ZNF714: variants seen among roughly 807,000 people sequenced by gnomAD.
The protein encoded by ZNF714 is zinc finger protein 714.
A neutral mutation model predicts 46.2 loss-of-function variants in ZNF714; 32 were observed. The ratio of observed to expected loss-of-function variants is 0.69; its 90% CI spans 0.52 to 0.93. The LOEUF (loss-of-function observed/expected upper bound fraction) is 0.93. Among genes scored for constraint, ZNF714 ranks in the 40% least tolerant of loss-of-function variants. The pLI is 0.00. For synonymous variants in ZNF714, 199 were observed against 213.1 expected, an observed-to-expected ratio of 0.93 and a Z score of 0.58; for missense variants, 635 against 646.3, an observed-to-expected ratio of 0.98 and a Z score of 0.19.
rs1969707793 is a variant in ZNF714 at position 21,121,843 on chromosome 19, A to G, written c.*3511A>G. The stretch of plus-strand genomic sequence containing the variant: ...TGCCTGGTACTCATGCTAGACCCAT[A>G]CTTTTTTTGTTTCTTACATTTTTTT... On this transcript the variant is annotated 3_prime_UTR_variant, in exon 5 of 5. Coordinates refer to ENST00000456283, the MANE Select transcript of ZNF714 (RefSeq NM_182515.4). The G allele has an allele frequency of 6.6e-6, 1 of 152,088 alleles. No individual in the cohort carries two copies. Among genetic ancestry groups the G allele is most frequent in the Non-Finnish European group, 1.5e-5 (1 of 67,992 alleles). The allele number at this position is 152,088 out of a possible 1,614,324, so 9.4% of individuals were successfully genotyped here.
At chr19:21,084,136 G>A (rs888679492) in intron 2 of ZNF714, 67 bp downstream of exon 2, 13 of 548,220 alleles carry the variant, frequency 2.4e-5, no homozygotes, top group Non-Finnish European at 3.0e-5. Flanking sequence ...TGTCTAAGGG[G>A]TAGAAATATA....
At chr19:21,097,028 G>T (rs1350736631) in intron 2 of ZNF714, among the ~76,000 whole-genome samples, 1 of 151,816 alleles carries the variant, frequency 6.6e-6, no homozygotes, top group Non-Finnish European at 1.5e-5. Flanking sequence ...CACCACACCC[G>T]GCTAATTTTT....
intron 2 of ZNF714, among the ~76,000 whole-genome samples, chr19:21,087,431 A>G (rs187765866): frequency 2.0e-5 from 3 of 152,280 alleles, no homozygotes; most frequent in Admixed American, 6.5e-5. Flanking sequence ...CACATTTGAC[A>G]TGTTTTCTAT....
intron 2 of ZNF714, among the ~76,000 whole-genome samples, chr19:21,089,696 A>G (rs1214437739): frequency 3.9e-5 from 6 of 152,172 alleles, no homozygotes; most frequent in African/African-American, 1.4e-4. Flanking sequence ...ATTCTATCCT[A>G]AGGAACCCCT....
At chr19:21,104,138 T>A (rs1003153643) in intron 4 of ZNF714, among the ~76,000 whole-genome samples, 4 of 152,214 alleles carry the variant, frequency 2.6e-5, no homozygotes, top group African/African-American at 9.6e-5. Context: ...TGGGCTTATT[T>A]CCCATGACAT....
At chr19:21,110,721 T>C (rs8107638) in intron 4 of ZNF714, among the ~76,000 whole-genome samples, 112,480 of 152,046 alleles carry the variant, frequency 0.74, 43,341 homozygotes, top group Middle Eastern at 0.88. Flanking sequence ...TAGTTTTGGG[T>C]TTCAAATTTA....
intron 4 of ZNF714, among the ~76,000 whole-genome samples, chr19:21,107,175 T>C (rs1407300897): frequency 6.6e-6 from 1 of 152,210 alleles, no homozygotes; most frequent in Admixed American, 6.5e-5. Flanking sequence ...TACCTCTTTG[T>C]TCTTTTTCCT....
In ZNF714 at chr19:21,117,972, A is replaced by T; in HGVS notation, c.1308A>T (p.Arg436=). 6.2e-7 allele frequency: 1 copy of T among 1,611,168 alleles called. No homozygotes were observed. The highest frequency in any genetic ancestry group is 8.5e-7 in the Non-Finnish European group (1 of 1,179,100). Residue 436 remains arginine, a synonymous_variant, in exon 5 of 5, where the codon CGA becomes CGT. Coordinates refer to ENST00000456283, the MANE Select transcript of ZNF714 (RefSeq NM_182515.4). The part of the protein sequence containing the change: ...KCEECGKAFN[R]SSNLTTHKRI... ...AAGAATGTGGCAAAGCTTTTAACCGATCCTCAAACCTTACTACACATAAGA... is the reference window on the plus strand; with the variant it reads ...AAGAATGTGGCAAAGCTTTTAACCGTTCCTCAAACCTTACTACACATAAGA...
chr19:21,085,779 G>T (rs962816928), intron 2 of ZNF714, among the ~76,000 whole-genome samples: 1 of 151,996 alleles, frequency 6.6e-6, no homozygotes, highest in Non-Finnish European at 1.5e-5. Context: ...TGCAGTTAAG[G>T]TTAAGATGAA....
chr19:21,105,026 C>CTTTTTTTTTT (rs34750232), intron 4 of ZNF714, among the ~76,000 whole-genome samples: 2 of 129,762 alleles, frequency 1.5e-5, no homozygotes, highest in Non-Finnish European at 3.1e-5. Context: ...TCATTTCTTT[C>CTTTTTTTTTT]TTTTTTTTTT....
intron 4 of ZNF714, among the ~76,000 whole-genome samples, chr19:21,099,977 TCC>T (rs921139661): frequency 1.3e-4 from 20 of 152,058 alleles, no homozygotes; most frequent in African/African-American, 4.8e-4. Context: ...TGCCTCAGCC[TCC>T]CTAATAGCTG....
intron 4 of ZNF714, among the ~76,000 whole-genome samples, chr19:21,105,592 T>G (rs935056640): frequency 2.0e-5 from 3 of 152,214 alleles, no homozygotes; most frequent in Non-Finnish European, 4.4e-5. Context: ...GTTTTTTTTC[T>G]AAGAGATTCG....
Position 21,118,352 on chromosome 19 carries a change from AGAGGCAGGAGAATCATTTGAACCTGG to A in ZNF714, c.*28_*53del, listed in dbSNP as rs370643299. 0.018 allele frequency: 12,021 copies of A among 664,222 alleles called. 1,050 individuals are homozygous for A. In the African/African-American group the frequency reaches 0.2, roughly 11 times the overall value. The allele number at this position is 664,222 out of a possible 1,614,324, so 41.1% of individuals were successfully genotyped here. A position where few individuals can be genotyped will look rare whatever the true frequency, so the allele number is the denominator to read the frequency against. ...CTGTAATCCCAGCTACTTGGGAGGC[AGAGGCAGGAGAATCATTTGAACCTGG>A]GAGGCAGAGGTTGCAGTGAGCCAAG... is the stretch of plus-strand genomic sequence containing the variant. On this transcript the variant is annotated 3_prime_UTR_variant, in exon 5 of 5. Transcript: ENST00000456283.
intron 1 of ZNF714, among the ~76,000 whole-genome samples, chr19:21,083,039 TAGA>T (rs1375379555): frequency 6.0e-5 from 4 of 66,914 alleles, no homozygotes; most frequent in African/African-American, 3.4e-5. Flanking sequence ...GCACCTCAGT[TAGA>T]TTTTTTTTTT....
intron 2 of ZNF714, among the ~76,000 whole-genome samples, chr19:21,095,821 C>T (rs1160569796): frequency 1.3e-5 from 2 of 152,170 alleles, no homozygotes; most frequent in African/African-American, 4.8e-5. Context: ...GACTTTGTCA[C>T]CCCCACGACC....
In ZNF714 at chr19:21,082,322, G is replaced by A. The variant is rs112345825; in HGVS notation, c.-203G>A. The A allele has an allele frequency of 3.0e-5, 44 of 1,454,058 alleles. 1 individual carries two copies. The highest frequency in any genetic ancestry group is 2.9e-4 in the African/African-American group (21 of 72,166). 90.1% of individuals were successfully genotyped at this position (1,454,058 alleles called of 1,614,324 possible). A position where few individuals can be genotyped will look rare whatever the true frequency, so the allele number is the denominator to read the frequency against. On this transcript the variant is annotated 5_prime_UTR_variant, in exon 1 of 5. Transcript: ENST00000456283. Reference sequence around the variant, plus strand: ...GTATTGAGAGATCCACAGCTAAGACGCCAGGTACCCCGGAAGCCTAGAAAT... The same window carrying A: ...GTATTGAGAGATCCACAGCTAAGACACCAGGTACCCCGGAAGCCTAGAAAT...
At chr19:21,113,035 AG>A (rs1969496621) in intron 4 of ZNF714, 1 of 151,872 alleles carries the variant, frequency 6.6e-6, no homozygotes, top group Non-Finnish European at 1.5e-5. Context: ...CATGTTTGCC[AG>A]GCTTGTCTCG....
chr19:21,118,268 A>G lies in ZNF714; in HGVS notation c.1604A>G (p.His535Arg), dbSNP rs200683676. The G allele has an allele frequency of 5.3e-5, 73 of 1,387,762 alleles. No homozygotes were observed. The African/African-American group carries it at 7.6e-4, about 14-fold the overall frequency. 86.0% of individuals were successfully genotyped at this position (1,387,762 alleles called of 1,614,324 possible). A position where few individuals can be genotyped will look rare whatever the true frequency, so the allele number is the denominator to read the frequency against. The change falls in exon 5 of 5, where the codon CAT becomes CGT. Residue 535 changes from histidine (H) to arginine (R), a missense_variant. By Grantham distance (29) the His-to-Arg change is conservative (BLOSUM62 0). Transcript: ENST00000456283. ...RSGVQDQPGQ[H>R]GKTPSLLKIQ... Reference sequence around the variant, plus strand: ...GGAGTTCAAGACCAGCCTGGCCAACATGGTAAAACCCCATCTCTACTAAAA... The same window carrying G: ...GGAGTTCAAGACCAGCCTGGCCAACGTGGTAAAACCCCATCTCTACTAAAA...
At position 21,098,065 on chromosome 19, in the gene ZNF714, A is replaced by G; in HGVS notation, c.-84-120A>G. The G allele has an allele frequency of 2.2e-6, 3 of 1,384,632 alleles. No individual in the cohort carries two copies. In the African/African-American group the frequency reaches 4.4e-5, roughly 20 times the overall value. The allele number at this position is 1,384,632 out of a possible 1,614,324, so 85.8% of individuals were successfully genotyped here. A position where few individuals can be genotyped will look rare whatever the true frequency, so the allele number is the denominator to read the frequency against. ...GTGTTAAAAATTATTGGATAATTTCAGTTATTCTTATAAGTCAACCAATTC... is the reference window on the plus strand; with the variant it reads ...GTGTTAAAAATTATTGGATAATTTCGGTTATTCTTATAAGTCAACCAATTC... On this transcript the variant is annotated intron_variant, in intron 2 of 4. Coordinates refer to ENST00000456283, the MANE Select transcript of ZNF714 (RefSeq NM_182515.4).
Sources: gnomAD v4.1 joint callset for allele counts (sites outside exome capture counted in the v4.1 genomes callset) on GRCh38, gnomAD v4.1.1 for gene constraint, MANE v1.5 for transcripts, NCBI Gene and HGNC (gene_info 2026-07-23, HGNC 2026-07-21) for gene names.